PTK2: variants seen among roughly 807,000 people sequenced by gnomAD.
PTK2 encodes the protein focal adhesion kinase 1.
PTK2 carries 45 observed loss-of-function variants against 150.1 expected under a neutral mutation model. That is an observed-to-expected ratio of 0.30 (90% CI 0.24 to 0.38). PTK2 has a LOEUF of 0.38. Ranked by LOEUF, PTK2 falls within the 10% of genes least tolerant of loss-of-function variation. The pLI, the probability that PTK2 is intolerant of heterozygous loss-of-function variation, is 1.00. For missense variants in PTK2, 919 were observed against 1,307.3 expected (o/e 0.70, Z 4.58); for synonymous variants, 432 against 449.2 (o/e 0.96, Z 0.48).
At chr8:140,897,147 C>T (rs1476411056) in intron 2 of PTK2, among the ~76,000 whole-genome samples, 4 of 152,042 alleles carry the variant, frequency 2.6e-5, no homozygotes, top group African/African-American at 4.8e-5. Flanking sequence ...CGGAGTATGT[C>T]GGGGGAGAAG....
At chr8:140,755,618 G>C (rs2154529446) in intron 16 of PTK2, among the ~76,000 whole-genome samples, 1 of 152,244 alleles carries the variant, frequency 6.6e-6, no homozygotes, top group East Asian at 1.9e-4. Flanking sequence ...ACAGCATCTT[G>C]ACCTCCCATT....
intron 7 of PTK2, among the ~76,000 whole-genome samples, chr8:140,831,667 A>G (rs867804637): frequency 3.9e-5 from 6 of 152,216 alleles, no homozygotes; most frequent in Non-Finnish European, 8.8e-5. Context: ...ATTACATCCT[A>G]TAATTCTCTC....
At chr8:140,946,398 G>C (rs929109320) in intron 1 of PTK2, among the ~76,000 whole-genome samples, 2 of 152,152 alleles carry the variant, frequency 1.3e-5, no homozygotes, top group East Asian at 1.9e-4. Context: ...AGATGGGGGA[G>C]AGGAAAGACC....
intron 21 of PTK2, among the ~76,000 whole-genome samples, chr8:140,736,540 A>G (rs2100052709): frequency 6.6e-6 from 1 of 151,888 alleles, no homozygotes. Context: ...AAAAAAAAAA[A>G]ATTTAAAAAT....
chr8:140,695,979 G>A (rs1378636299), intron 26 of PTK2, among the ~76,000 whole-genome samples: 1 of 152,024 alleles, frequency 6.6e-6, no homozygotes, highest in East Asian at 1.9e-4. Flanking sequence ...TGTATGACTT[G>A]TTTTTATTTT....
At chr8:140,959,538 CAAAAAAAAAA>C (rs34010616) in intron 1 of PTK2, among the ~76,000 whole-genome samples, 2 of 85,060 alleles carry the variant, frequency 2.4e-5, no homozygotes, top group Non-Finnish European at 4.4e-5. Context: ...GACTCTGTCT[CAAAAAAAAAA>C]AAAAAAAAAA....
At chr8:140,829,646 T>C (rs1224732566) in intron 8 of PTK2, among the ~76,000 whole-genome samples, 2 of 152,144 alleles carry the variant, frequency 1.3e-5, no homozygotes, top group South Asian at 4.1e-4. Context: ...GGATGTAGAA[T>C]AAGATCTTTG....
At chr8:140,892,409 G>C (rs2100154551) in intron 2 of PTK2, among the ~76,000 whole-genome samples, 1 of 151,966 alleles carries the variant, frequency 6.6e-6, no homozygotes, top group Admixed American at 6.6e-5. Context: ...CGTGGCGCAT[G>C]CTTGTGGTCC....
At chr8:140,879,691 A>AC (rs2100147922) in intron 3 of PTK2, 54 bp from the exon 4 acceptor site, 4 of 1,271,258 alleles carry the variant, frequency 3.1e-6, no homozygotes, top group Admixed American at 3.0e-5. Flanking sequence ...AAAAAAAAAA[A>AC]AAAAAAAAAA....
rs1563852082 is a variant in PTK2 at position 140,665,012 on chromosome 8, TCACAAC to T, written c.2866-21_2866-16del. On this transcript the variant is annotated splice_polypyrimidine_tract_variant and intron_variant, in intron 30 of 31. Coordinates refer to ENST00000522684, the Ensembl canonical transcript of PTK2. ...AAGCCGACTTCCTAACAGACAAGAA[TCACAAC>T]CAATATTAGAACACACACAAAGGAT... 6 of 1,607,448 alleles carry T rather than the reference TCACAAC, an allele frequency of 3.7e-6. No individual in the cohort carries two copies. Among genetic ancestry groups the T allele is most frequent in the South Asian group, 1.1e-5 (1 of 90,764 alleles).
chr8:140,795,557 A>C (rs2100091025), intron 12 of PTK2, among the ~76,000 whole-genome samples: 1 of 152,216 alleles, frequency 6.6e-6, no homozygotes, highest in African/African-American at 2.4e-5. Context: ...TTCTCGATAC[A>C]GCTCAACATC....
intron 25 of PTK2, among the ~76,000 whole-genome samples, chr8:140,701,845 G>A (rs1029424387): frequency 2.6e-5 from 4 of 152,084 alleles, no homozygotes; most frequent in African/African-American, 9.7e-5. Flanking sequence ...ATTAAAATAT[G>A]ACCGGGTGTG....
At chr8:140,839,168 G>T (rs1036659890) in intron 7 of PTK2, among the ~76,000 whole-genome samples, 5 of 152,152 alleles carry the variant, frequency 3.3e-5, no homozygotes, top group African/African-American at 1.2e-4. Context: ...ACGACAGGCA[G>T]AAGGGAAACT....
chr8:140,803,032 T>TTTTTTTG (rs2100096140), intron 11 of PTK2, among the ~76,000 whole-genome samples: 1 of 144,802 alleles, frequency 6.9e-6, no homozygotes, highest in African/African-American at 2.6e-5. Flanking sequence ...TTTTTTTTTT[T>TTTTTTTG]GAGACACGGT....
intron 16 of PTK2, among the ~76,000 whole-genome samples, chr8:140,760,546 G>A (rs2100068819): frequency 6.6e-6 from 1 of 152,154 alleles, no homozygotes. Flanking sequence ...GATACAGAAA[G>A]TGGATGAGTG....
At chr8:140,943,351 T>C (rs1242352661) in intron 1 of PTK2, among the ~76,000 whole-genome samples, 2 of 152,252 alleles carry the variant, frequency 1.3e-5, no homozygotes, top group African/African-American at 4.8e-5. Flanking sequence ...ATATGGAGTT[T>C]AGTGTTTTCA....
chr8:140,967,705 G>A (rs577644939), intron 1 of PTK2, among the ~76,000 whole-genome samples: 15 of 152,016 alleles, frequency 9.9e-5, no homozygotes, highest in Non-Finnish European at 2.2e-4. Flanking sequence ...TGATCTGCCC[G>A]CCTCGGCCTC....
chr8:140,701,017 A>G (rs201166575), exon 26 of PTK2: 2 of 1,613,610 alleles, frequency 1.2e-6, no homozygotes, highest in Non-Finnish European at 1.7e-6. Context: ...CCAATACTGT[A>G]GAGTCCTGGA....
intron 3 of PTK2, among the ~76,000 whole-genome samples, chr8:140,883,893 TG>T (rs1568143733): frequency 1.3e-5 from 2 of 152,144 alleles, no homozygotes; most frequent in Non-Finnish European, 2.9e-5. Context: ...TGGGTCTCAC[TG>T]GCCTAAAATA....
Sources: allele counts gnomAD v4.1 joint callset (sites outside exome capture counted in the v4.1 genomes callset), GRCh38; gene constraint gnomAD v4.1.1; transcripts MANE v1.5; gene names NCBI Gene and HGNC (gene_info 2026-07-23, HGNC 2026-07-21).